Variants in ERI1 observed in about 807,000 individuals in gnomAD.
ERI1 encodes the protein exoribonuclease 1.
In ERI1, 39 loss-of-function variants were observed where a neutral mutation model predicts 39.7. That is an observed-to-expected ratio of 0.98 (90% CI 0.76 to 1.28). The LOEUF (loss-of-function observed/expected upper bound fraction) is 1.28, where lower values mean the gene tolerates loss of function less well. ERI1 is among the 50% of genes most tolerant of loss of function. The pLI is 0.00. For synonymous variants in ERI1, 204 were observed against 149.6 expected (o/e 1.36, Z -2.65); for missense variants, 581 against 416.9 (o/e 1.39, Z -3.43).
chr8:9,004,925 T>G (rs1405961981), intron 1 of ERI1, among the ~76,000 whole-genome samples: 2 of 152,048 alleles, frequency 1.3e-5, no homozygotes, highest in African/African-American at 2.4e-5. Context: ...TGACCTCAGG[T>G]GATCCGCCCA....
At chr8:9,072,938 G>T (rs932152392) in intron 3 of ERI1, among the ~76,000 whole-genome samples, 1 of 152,132 alleles carries the variant, frequency 6.6e-6, no homozygotes, top group Non-Finnish European at 1.5e-5. Context: ...GCGTCTTTCG[G>T]CCTCCTCTGA....
chr8:9,018,040 C>T (rs1345517209), intron 4 of ERI1, among the ~76,000 whole-genome samples: 1 of 152,172 alleles, frequency 6.6e-6, no homozygotes, highest in Non-Finnish European at 1.5e-5. Context: ...AAAAAGAGAA[C>T]CACTGGGGAT....
downstream of ERI1, among the ~76,000 whole-genome samples, chr8:9,035,252 A>G (rs1797805422): frequency 6.6e-6 from 1 of 152,196 alleles, no homozygotes; most frequent in African/African-American, 2.4e-5. Context: ...CACACCATAC[A>G]ACAGGTTTTC....
chr8:9,077,330 A>C (rs1324561386), intron 3 of ERI1, among the ~76,000 whole-genome samples: 1 of 152,170 alleles, frequency 6.6e-6, no homozygotes, highest in Non-Finnish European at 1.5e-5. Context: ...TGTAGAGGCA[A>C]AGGGAACTTT....
At chr8:9,068,839 C>A (rs890690392) in intron 3 of ERI1, among the ~76,000 whole-genome samples, 1 of 152,052 alleles carries the variant, frequency 6.6e-6, no homozygotes, top group Non-Finnish European at 1.5e-5. Flanking sequence ...GTTTTTGAGA[C>A]AGGGTCTCTT....
downstream of ERI1, among the ~76,000 whole-genome samples, chr8:9,036,433 C>G (rs796626150): frequency 2.6e-5 from 4 of 152,328 alleles, no homozygotes; most frequent in African/African-American, 9.6e-5. Flanking sequence ...TTATGGCTTG[C>G]TGAACACTCA....
Position 9,032,542 on chromosome 8 carries a change from C to T in ERI1, c.*2508C>T, listed in dbSNP as rs889126314. On this transcript the variant is annotated 3_prime_UTR_variant, in exon 7 of 7. Transcript: ENST00000250263. ...CTTGAGATAGATCCATTTATCCTGC[C>T]TCCTAGGGAGAAGTTTCTGCCTGGA... is the stretch of plus-strand genomic sequence containing the variant. The T allele has an allele frequency of 6.6e-6, 1 of 152,052 alleles. No individual in the cohort carries two copies. The highest frequency in any genetic ancestry group is 1.5e-5 in the Non-Finnish European group (1 of 68,010). 9.4% of individuals were successfully genotyped at this position (152,052 alleles called of 1,614,324 possible).
At chr8:9,025,122 C>G (rs909611985) in intron 6 of ERI1, among the ~76,000 whole-genome samples, 2 of 152,190 alleles carry the variant, frequency 1.3e-5, no homozygotes, top group African/African-American at 2.4e-5. Flanking sequence ...GTCAGATTCT[C>G]AGGCTGAGCA....
chr8:9,096,016 T>C (rs977779749), intron 3 of ERI1, among the ~76,000 whole-genome samples: 3 of 151,794 alleles, frequency 2.0e-5, no homozygotes, highest in Non-Finnish European at 4.4e-5. Flanking sequence ...GAGGATCAAA[T>C]GAGATAATGT....
At chr8:9,094,259 C>T (rs573817670) in intron 3 of ERI1, among the ~76,000 whole-genome samples, 3 of 152,208 alleles carry the variant, frequency 2.0e-5, no homozygotes, top group Non-Finnish European at 4.4e-5. Flanking sequence ...TCGTCGTGGA[C>T]TCTCAGGACA....
chr8:9,017,865 C>T (rs1212446605), intron 4 of ERI1, among the ~76,000 whole-genome samples: 2 of 152,090 alleles, frequency 1.3e-5, no homozygotes, highest in Non-Finnish European at 2.9e-5. Flanking sequence ...AGGGCGGACC[C>T]GATTTACGTT....
At chr8:9,086,845 C>T (rs1034490638) in intron 3 of ERI1, among the ~76,000 whole-genome samples, 3 of 152,116 alleles carry the variant, frequency 2.0e-5, no homozygotes, top group Non-Finnish European at 2.9e-5. Flanking sequence ...AGTGTCAAAC[C>T]ATTATTCTGT....
At chr8:9,011,414 T>G in intron 2 of ERI1, 128 bp from the exon 3 acceptor site, 1 of 516,948 alleles carries the variant, frequency 1.9e-6, no homozygotes, top group Non-Finnish European at 3.4e-6. Flanking sequence ...TTTCTTACAT[T>G]TATTTTAGCT....
chr8:9,014,862 G>T (rs1264380364), intron 3 of ERI1, among the ~76,000 whole-genome samples: 1 of 151,996 alleles, frequency 6.6e-6, no homozygotes, highest in Non-Finnish European at 1.5e-5. Flanking sequence ...TTTTGAGATG[G>T]AGTCTTGCTT....
Position 9,006,470 on chromosome 8 carries a change from C to G in ERI1, c.109-1500C>G, listed in dbSNP as rs376521172. Among the ~76,000 whole-genome samples the G allele has an allele frequency of 2.7e-4, 41 of 152,286 alleles. No homozygotes were observed. The South Asian group carries it at 8.5e-3, about 32-fold the overall frequency. On this transcript the variant is annotated intron_variant, in intron 1 of 6. Coordinates refer to ENST00000250263, the MANE Select transcript of ERI1 (RefSeq NM_153332.4). ...GAAAATCTGCTTAAATTAACTGAGA[C>G]ATCTGTTTTGGTAGACAAACTGTTA... is the stretch of plus-strand genomic sequence containing the variant.
chr8:9,028,289 C>G lies in ERI1; in HGVS notation c.808-1503C>G, dbSNP rs374878047. ...TCCGATTTTCTGTTTCTTTGTAATT[C>G]AATTATTGTTAAGTTGTGTATTTCC... On this transcript the variant is annotated intron_variant, in intron 6 of 6. Coordinates refer to ENST00000250263, the MANE Select transcript of ERI1 (RefSeq NM_153332.4). Among the ~76,000 whole-genome samples, 5 of 152,266 alleles carry G rather than the reference C, an allele frequency of 3.3e-5. No individual in the cohort carries two copies. The East Asian group carries it at 7.7e-4, about 23-fold the overall frequency.
chr8:9,038,369 A>G (rs575810871), intron 3 of ERI1, among the ~76,000 whole-genome samples: 1 of 152,336 alleles, frequency 6.6e-6, no homozygotes, highest in Admixed American at 6.5e-5. Context: ...TCCAGTTTTC[A>G]TGTTATAGCT....
intron 3 of ERI1, among the ~76,000 whole-genome samples, chr8:9,014,930 T>C (rs927600244): frequency 6.6e-6 from 1 of 152,136 alleles, no homozygotes; most frequent in Non-Finnish European, 1.5e-5. Flanking sequence ...CTCTGCCTCC[T>C]GGGTTCAAGC....
intron 3 of ERI1, among the ~76,000 whole-genome samples, chr8:9,068,555 A>G (rs1018032631): frequency 2.0e-5 from 3 of 152,212 alleles, no homozygotes; most frequent in Admixed American, 6.5e-5. Context: ...AGCACTGGCC[A>G]ATTGCCATAG....
Sources: allele counts gnomAD v4.1 joint callset (sites outside exome capture counted in the v4.1 genomes callset), GRCh38; gene constraint gnomAD v4.1.1; transcripts MANE v1.5; gene names NCBI Gene and HGNC (gene_info 2026-07-23, HGNC 2026-07-21).